The following STRBP variants were observed in gnomAD, a reference collection of about 807,000 sequenced individuals.
STRBP encodes the protein spermatid perinuclear RNA binding protein.
Under a neutral mutation model 80.1 loss-of-function variants are expected in STRBP, and 13 were observed. That is an observed-to-expected ratio of 0.16 (90% CI 0.11 to 0.26). The LOEUF (loss-of-function observed/expected upper bound fraction) is 0.26, where lower values mean the gene tolerates loss of function less well. STRBP is among the 10% of genes least tolerant of loss of function. The probability of loss-of-function intolerance (pLI) is 1.00; values close to 1 mark genes in which losing one functional copy is unlikely to be tolerated. For missense variants in STRBP, 485 were observed against 815.2 expected (o/e 0.59, Z 4.93); for synonymous variants, 284 against 291.2 (o/e 0.98, Z 0.25).
chr9:123,256,853 G>T (rs181210249), intron 1 of STRBP, among the ~76,000 whole-genome samples: 2 of 151,902 alleles, frequency 1.3e-5, no homozygotes, highest in Admixed American at 1.3e-4. Flanking sequence ...ACAGACATGG[G>T]GAGAACGTGA....
At chr9:123,156,574 T>C (rs1038220499) in intron 11 of STRBP, among the ~76,000 whole-genome samples, 1 of 149,416 alleles carries the variant, frequency 6.7e-6, no homozygotes. Flanking sequence ...CACAAGGATA[T>C]AGAAAATAAA....
chr9:123,182,023 T>C (rs1221751704), intron 3 of STRBP, among the ~76,000 whole-genome samples: 1 of 151,236 alleles, frequency 6.6e-6, no homozygotes, highest in Non-Finnish European at 1.5e-5. Context: ...AAGACCAGCC[T>C]GGCCAACATG....
chr9:123,218,530 C>G (rs917577816), intron 2 of STRBP, among the ~76,000 whole-genome samples: 1 of 150,646 alleles, frequency 6.6e-6, no homozygotes, highest in Admixed American at 6.6e-5. Context: ...CCACCGCGCC[C>G]GGCTAATTTT....
At chr9:123,245,055 G>C (rs1017300695) in intron 1 of STRBP, among the ~76,000 whole-genome samples, 2 of 152,136 alleles carry the variant, frequency 1.3e-5, no homozygotes, top group Admixed American at 1.3e-4. Context: ...AAGCTGAAAA[G>C]TTTACATACT....
intron 13 of STRBP, among the ~76,000 whole-genome samples, chr9:123,142,920 C>G (rs2036653558): frequency 6.6e-6 from 1 of 152,132 alleles, no homozygotes; most frequent in South Asian, 2.1e-4. Context: ...ATGACAAGAT[C>G]ACTCATGGAA....
At chr9:123,258,615 A>G (rs2041088311) in intron 1 of STRBP, among the ~76,000 whole-genome samples, 3 of 152,152 alleles carry the variant, frequency 2.0e-5, no homozygotes, top group South Asian at 4.1e-4. Context: ...CATCCTGGCT[A>G]ACACAGTGAA....
At chr9:123,160,804 T>C (rs974540301) in intron 7 of STRBP, among the ~76,000 whole-genome samples, 173 bp downstream of exon 7, 6 of 152,202 alleles carry the variant, frequency 3.9e-5, no homozygotes, top group South Asian at 2.1e-4. Context: ...TCATGAACTA[T>C]AGAAGCTATA....
intron 2 of STRBP, among the ~76,000 whole-genome samples, chr9:123,186,984 A>G (rs568943227): frequency 9.2e-5 from 14 of 152,204 alleles, no homozygotes; most frequent in African/African-American, 3.4e-4. Flanking sequence ...TTCTTAATAA[A>G]ATGAGAAATA....
intron 2 of STRBP, among the ~76,000 whole-genome samples, chr9:123,192,961 T>C (rs1048533569): frequency 1.2e-4 from 18 of 152,200 alleles, no homozygotes; most frequent in African/African-American, 3.9e-4. Context: ...ACGGGAATAA[T>C]GACTCTATGC....
intron 8 of STRBP, among the ~76,000 whole-genome samples, 168 bp from the exon 9 acceptor site, chr9:123,159,375 AAG>A (rs1209883660): frequency 1.3e-5 from 2 of 152,176 alleles, no homozygotes; most frequent in African/African-American, 4.8e-5. Flanking sequence ...TTACCCTGGG[AAG>A]AGTTTTTAAA....
At chr9:123,144,210 A>AT (rs2036713554) in intron 13 of STRBP, among the ~76,000 whole-genome samples, 1 of 151,814 alleles carries the variant, frequency 6.6e-6, no homozygotes, top group South Asian at 2.1e-4. Context: ...AAAAAAAAAA[A>AT]AAAAGAAAGA....
intron 1 of STRBP, among the ~76,000 whole-genome samples, chr9:123,237,907 A>C (rs2040603565): frequency 6.6e-6 from 1 of 152,244 alleles, no homozygotes; most frequent in African/African-American, 2.4e-5. Context: ...GGGAGTGTTA[A>C]AGCATAGTAG....
downstream of STRBP, among the ~76,000 whole-genome samples, chr9:123,120,191 G>A (rs1347665683): frequency 6.6e-6 from 1 of 152,054 alleles, no homozygotes; most frequent in Non-Finnish European, 1.5e-5. Context: ...TGGCTCTGCT[G>A]TTGTTATCCA....
At chr9:123,179,335 T>TTTCACA in intron 3 of STRBP, 108 bp from the exon 4 acceptor site, 1 of 914,884 alleles carries the variant, frequency 1.1e-6, no homozygotes, top group Non-Finnish European at 1.6e-6. Flanking sequence ...CTGTCTACTG[T>TTTCACA]GAAACAGTTA....
At chr9:123,156,932 A>T (rs1385076642) in intron 11 of STRBP, among the ~76,000 whole-genome samples, 2 of 152,164 alleles carry the variant, frequency 1.3e-5, no homozygotes, top group African/African-American at 4.8e-5. Flanking sequence ...GGAAAAAAAA[A>T]TATTTTTGAG....
chr9:123,230,047 G>C (rs1428428149), intron 2 of STRBP, among the ~76,000 whole-genome samples: 2 of 152,070 alleles, frequency 1.3e-5, no homozygotes, highest in Admixed American at 1.3e-4. Context: ...TTAAAGTGTG[G>C]GACTATACAG....
At chr9:123,132,045 G>C (rs1003405674) in intron 17 of STRBP, among the ~76,000 whole-genome samples, 1 of 152,330 alleles carries the variant, frequency 6.6e-6, no homozygotes, top group African/African-American at 2.4e-5. Context: ...TAACAAGACA[G>C]CTGGATAATC....
chr9:123,184,044 T>C (rs1486122760), intron 3 of STRBP, 88 bp downstream of exon 3: 1 of 1,360,696 alleles, frequency 7.3e-7, no homozygotes, highest in Admixed American at 2.0e-5. Context: ...CACCACTGTT[T>C]TTCATTTGCC....
chr9:123,194,818 C>T (rs2039039007), intron 2 of STRBP, among the ~76,000 whole-genome samples: 1 of 152,156 alleles, frequency 6.6e-6, no homozygotes, highest in South Asian at 2.1e-4. Context: ...CCATCTAAGA[C>T]ACCACTCTCT....
Sources: gnomAD v4.1 joint callset for allele counts (sites outside exome capture counted in the v4.1 genomes callset) on GRCh38, gnomAD v4.1.1 for gene constraint, MANE v1.5 for transcripts, NCBI Gene and HGNC (gene_info 2026-07-23, HGNC 2026-07-21) for gene names.